Variants in CENPW observed in about 807,000 individuals in gnomAD.
CENPW encodes the protein cancer-up-regulated gene 2 protein.
Under a neutral mutation model 11.1 loss-of-function variants are expected in CENPW, and 3 were observed. The ratio of observed to expected loss-of-function variants is 0.27; its 90% CI spans 0.12 to 0.70. CENPW has a LOEUF of 0.70. Ranked by LOEUF, CENPW falls within the 30% of genes least tolerant of loss-of-function variation. The pLI is 0.77. For synonymous variants in CENPW, 38 were observed against 42.0 expected, an observed-to-expected ratio of 0.91 and a Z score of 0.37; for missense variants, 100 against 105.6, an observed-to-expected ratio of 0.95 and a Z score of 0.23.
chr6:126,370,558 CTCAGCTTTG>C, the CENPW span, among the ~76,000 whole-genome samples: 20 of 151,920 alleles, frequency 1.3e-4, no homozygotes, highest in East Asian at 3.5e-3. Context: ...TTATTTTATT[CTCAGCTTTG>C]TCATGTTGGT....
chr6:126,366,220 T>G, the CENPW span, among the ~76,000 whole-genome samples: 1 of 152,166 alleles, frequency 6.6e-6, no homozygotes, highest in Non-Finnish European at 1.5e-5. Flanking sequence ...TCAAAATATT[T>G]TTTTTCTTTT....
the CENPW span, among the ~76,000 whole-genome samples, chr6:126,447,735 C>T: frequency 6.6e-6 from 1 of 151,088 alleles, no homozygotes; most frequent in African/African-American, 2.4e-5. Context: ...ACTGACTGCT[C>T]TGGCTCTATG....
the CENPW span, among the ~76,000 whole-genome samples, chr6:126,453,141 G>C: frequency 6.6e-6 from 1 of 151,042 alleles, no homozygotes; most frequent in African/African-American, 2.4e-5. Flanking sequence ...CATATTTGAA[G>C]ATATCATTCA....
the CENPW span, among the ~76,000 whole-genome samples, chr6:126,448,265 C>T: frequency 5.3e-5 from 8 of 151,020 alleles, no homozygotes; most frequent in African/African-American, 1.9e-4. Context: ...AGGTAAGCCC[C>T]AGCTTAACTT....
the CENPW span, among the ~76,000 whole-genome samples, chr6:126,396,393 T>C: frequency 6.6e-6 from 1 of 152,132 alleles, no homozygotes. Context: ...GCTTAAGTAC[T>C]CTTCAGTCAA....
the CENPW span, among the ~76,000 whole-genome samples, chr6:126,355,877 A>G: frequency 3.3e-5 from 5 of 152,152 alleles, no homozygotes; most frequent in Non-Finnish European, 7.4e-5. Context: ...TGTGTTATTC[A>G]CAAAATAAGA....
the CENPW span, among the ~76,000 whole-genome samples, chr6:126,448,169 G>T: frequency 6.6e-6 from 1 of 151,124 alleles, no homozygotes; most frequent in Non-Finnish European, 1.5e-5. Context: ...CTGGGAGCTT[G>T]TTAGGAATGT....
chr6:126,406,625 G>A, the CENPW span, among the ~76,000 whole-genome samples: 1 of 152,008 alleles, frequency 6.6e-6, no homozygotes, highest in African/African-American at 2.4e-5. Context: ...AGGCTGAGGT[G>A]GGCATATCAC....
chr6:126,390,752 C>A, the CENPW span, among the ~76,000 whole-genome samples: 1 of 152,066 alleles, frequency 6.6e-6, no homozygotes, highest in East Asian at 1.9e-4. Flanking sequence ...GCTTATTTCA[C>A]TTAACATAAT....
the CENPW span, among the ~76,000 whole-genome samples, chr6:126,405,593 T>C: frequency 6.6e-6 from 1 of 152,102 alleles, no homozygotes; most frequent in Admixed American, 6.6e-5. Context: ...TTGCCTTTGG[T>C]AGTACAGTTA....
At chr6:126,475,408 T>A in the CENPW span, among the ~76,000 whole-genome samples, 933 of 152,056 alleles carry the variant, frequency 6.1e-3, 12 homozygotes, top group African/African-American at 0.02. Flanking sequence ...CAAATTTTTT[T>A]AAAAAAAATT....
chr6:126,422,528 C>A, the CENPW span, among the ~76,000 whole-genome samples: 1 of 152,060 alleles, frequency 6.6e-6, no homozygotes, highest in African/African-American at 2.4e-5. Context: ...AGGACCCAAA[C>A]TTACTAAATT....
the CENPW span, among the ~76,000 whole-genome samples, chr6:126,444,461 T>G: frequency 6.6e-6 from 1 of 151,134 alleles, no homozygotes; most frequent in Non-Finnish European, 1.5e-5. Flanking sequence ...CCAAATGCTT[T>G]TTTCACTATT....
chr6:126,381,674 T>C, the CENPW span, among the ~76,000 whole-genome samples: 1 of 152,324 alleles, frequency 6.6e-6, no homozygotes, highest in East Asian at 1.9e-4. Flanking sequence ...CTGCTGCTGC[T>C]GCTGACACGT....
At chr6:126,469,919 T>C in the CENPW span, among the ~76,000 whole-genome samples, 5 of 152,182 alleles carry the variant, frequency 3.3e-5, no homozygotes, top group African/African-American at 9.6e-5. Context: ...TGCTCAGTCA[T>C]ATGCATTCAC....
the CENPW span, among the ~76,000 whole-genome samples, chr6:126,367,385 G>A: frequency 6.6e-6 from 1 of 152,026 alleles, no homozygotes; most frequent in African/African-American, 2.4e-5. Flanking sequence ...AGTAATCACA[G>A]AGATGCAATG....
chr6:126,402,753 G>C, the CENPW span, among the ~76,000 whole-genome samples: 1 of 151,878 alleles, frequency 6.6e-6, no homozygotes, highest in Non-Finnish European at 1.5e-5. Flanking sequence ...TTTATCATTT[G>C]TCAGTTGATG....
the CENPW span, among the ~76,000 whole-genome samples, chr6:126,373,934 C>T: frequency 6.6e-6 from 1 of 152,160 alleles, no homozygotes; most frequent in Non-Finnish European, 1.5e-5. Context: ...TGGAGAATGG[C>T]TACCACATTG....
At chr6:126,404,265 C>T in the CENPW span, among the ~76,000 whole-genome samples, 2 of 152,080 alleles carry the variant, frequency 1.3e-5, no homozygotes, top group African/African-American at 4.8e-5. Context: ...CATTCTGCAG[C>T]CCATGGATCA....
Sources: gnomAD v4.1 joint callset for allele counts (sites outside exome capture counted in the v4.1 genomes callset) on GRCh38, gnomAD v4.1.1 for gene constraint, MANE v1.5 for transcripts, NCBI Gene and HGNC (gene_info 2026-07-23, HGNC 2026-07-21) for gene names.